ACOXL: variants seen among roughly 807,000 people sequenced by gnomAD.
ACOXL encodes the protein acyl-coenzyme A oxidase-like protein.
A neutral mutation model predicts 71.9 loss-of-function variants in ACOXL; 70 were observed. The ratio of observed to expected loss-of-function variants is 0.97; its 90% CI spans 0.80 to 1.19. ACOXL has a LOEUF of 1.19. Ranked by LOEUF, ACOXL falls within the 50% of genes most tolerant of loss-of-function variation. ACOXL has a pLI of 0.00. For missense variants in ACOXL, 703 were observed against 736.3 expected, an observed-to-expected ratio of 0.95 and a Z score of 0.52; for synonymous variants, 253 against 281.6, an observed-to-expected ratio of 0.90 and a Z score of 1.02.
chr2:111,100,934 G>C (rs1256444533), intron 17 of ACOXL: 1 of 152,668 alleles, frequency 6.6e-6, no homozygotes, highest in Non-Finnish European at 1.5e-5. Context: ...GACCACTAGG[G>C]TTGGGTTTTA....
chr2:111,024,011 G>T (rs577262536), intron 14 of ACOXL, among the ~76,000 whole-genome samples: 38 of 152,290 alleles, frequency 2.5e-4, no homozygotes, highest in African/African-American at 9.1e-4. Context: ...GTCAAGGAGG[G>T]ACTGTGATCA....
At position 110,998,180 on chromosome 2, in the gene ACOXL, A is replaced by C. The variant is rs145474795; in HGVS notation, c.1281+2176A>C. ...GTAAGATGAAAGACAAAGTAAAAAC[A>C]TACTGAATTTCTTACATTAATTACA... On this transcript the variant is annotated intron_variant, in intron 14 of 17. Transcript: ENST00000439055. 2.6e-3 allele frequency among the ~76,000 whole-genome samples: 393 copies of C among 152,338 alleles called. 9 individuals carry two copies. In the East Asian group the frequency reaches 0.049, roughly 19 times the overall value.
chr2:111,064,207 T>C (rs767388147), intron 16 of ACOXL, among the ~76,000 whole-genome samples: 6 of 152,076 alleles, frequency 3.9e-5, no homozygotes, highest in Admixed American at 6.5e-5. Flanking sequence ...GAGGCCAAGG[T>C]GGGTGGATCA....
intron 11 of ACOXL, among the ~76,000 whole-genome samples, chr2:110,932,156 A>G (rs997413792): frequency 2.0e-5 from 3 of 152,248 alleles, no homozygotes; most frequent in Non-Finnish European, 4.4e-5. Context: ...CAGCATGCTG[A>G]TTGAAAGAAG....
chr2:111,109,671 A>ATTTTTTTTTTTT lies in ACOXL; in HGVS notation c.1543-7931_1543-7920dup, dbSNP rs869081161. 2.1e-4 allele frequency among the ~76,000 whole-genome samples: 16 copies of ATTTTTTTTTTTT among 75,668 alleles called. 1 individual carries two copies. The highest frequency in any genetic ancestry group is 3.1e-4 in the Non-Finnish European group (13 of 42,256). 49.6% of individuals were successfully genotyped at this position (75,668 alleles called of 152,430 possible). On this transcript the variant is annotated intron_variant, in intron 17 of 17. Transcript: ENST00000439055. ...CTATTATATCCATTTTTCTCCTTCT[A>ATTTTTTTTTTTT]TTTTTTTTTTTTTTTTTTTTTTTTT...
chr2:110,896,261 G>T (rs1371537186), intron 10 of ACOXL, among the ~76,000 whole-genome samples: 1 of 152,022 alleles, frequency 6.6e-6, no homozygotes, highest in Non-Finnish European at 1.5e-5. Flanking sequence ...AACACTATAG[G>T]TGCATCAAAA....
At chr2:110,914,244 G>T (rs983757149) in intron 11 of ACOXL, among the ~76,000 whole-genome samples, 3 of 152,084 alleles carry the variant, frequency 2.0e-5, no homozygotes, top group African/African-American at 7.2e-5. Flanking sequence ...TTTTCCCCTC[G>T]AAATTGTCTT....
intron 1 of ACOXL, among the ~76,000 whole-genome samples, chr2:110,756,962 G>A (rs1402616930): frequency 6.6e-6 from 1 of 152,024 alleles, no homozygotes; most frequent in Non-Finnish European, 1.5e-5. Context: ...AGGTAAACGT[G>A]GGCCGTGGTG....
At chr2:110,769,258 GAAAGA>G (rs772637309) in intron 2 of ACOXL, among the ~76,000 whole-genome samples, 1 of 149,158 alleles carries the variant, frequency 6.7e-6, no homozygotes, top group East Asian at 2.0e-4. Context: ...AAGAAAGAAA[GAAAGA>G]AAAAAATACA....
intron 10 of ACOXL, among the ~76,000 whole-genome samples, chr2:110,889,738 C>T (rs1471146655): frequency 6.6e-6 from 1 of 152,170 alleles, no homozygotes; most frequent in Non-Finnish European, 1.5e-5. Context: ...TTAACCCATT[C>T]ATCAACTGAT....
intron 16 of ACOXL, among the ~76,000 whole-genome samples, chr2:111,069,672 TGGG>T (rs1204701283): frequency 6.6e-6 from 1 of 151,924 alleles, no homozygotes; most frequent in Admixed American, 6.6e-5. Flanking sequence ...GATGGGGAAT[TGGG>T]GGTGACAGTA....
chr2:111,065,487 C>T (rs965637413), intron 16 of ACOXL, among the ~76,000 whole-genome samples: 4 of 152,086 alleles, frequency 2.6e-5, no homozygotes, highest in Non-Finnish European at 5.9e-5. Context: ...ACACCCAAAG[C>T]GTGATTCATA....
At chr2:110,878,259 A>C (rs1696174389) in intron 10 of ACOXL, among the ~76,000 whole-genome samples, 1 of 152,244 alleles carries the variant, frequency 6.6e-6, no homozygotes, top group African/African-American at 2.4e-5. Context: ...GACTTTTACA[A>C]GTGAAAAATG....
intron 13 of ACOXL, among the ~76,000 whole-genome samples, chr2:110,992,672 C>G (rs1348923601): frequency 1.3e-5 from 2 of 152,152 alleles, no homozygotes; most frequent in Non-Finnish European, 2.9e-5. Context: ...GAGAGGAGCC[C>G]TGAAAGGAAG....
intron 14 of ACOXL, among the ~76,000 whole-genome samples, chr2:111,005,779 A>G (rs1359806843): frequency 6.6e-6 from 1 of 152,158 alleles, no homozygotes; most frequent in Non-Finnish European, 1.5e-5. Flanking sequence ...GATGTCCACC[A>G]ATCAGGGATC....
chr2:110,975,042 A>AT (rs1195191885), intron 12 of ACOXL, among the ~76,000 whole-genome samples: 1 of 152,124 alleles, frequency 6.6e-6, no homozygotes, highest in Non-Finnish European at 1.5e-5. Context: ...AGGCCGGCTG[A>AT]TGTGTGCTGC....
At chr2:111,092,823 A>T in intron 16 of ACOXL, 42 bp from the exon 17 acceptor site, 2 of 1,360,050 alleles carry the variant, frequency 1.5e-6, no homozygotes, top group Non-Finnish European at 2.1e-6. Context: ...TTTCTAATAT[A>T]TTGCTATTTG....
At chr2:110,738,987 C>G (rs906610315) in intron 1 of ACOXL, among the ~76,000 whole-genome samples, 3 of 152,008 alleles carry the variant, frequency 2.0e-5, no homozygotes, top group African/African-American at 7.2e-5. Context: ...TTCTTGTTTT[C>G]TAGTTATAAA....
In ACOXL at chr2:111,049,209, C is replaced by T. The variant is rs751779607; in HGVS notation, c.1370-9C>T. The stretch of plus-strand genomic sequence containing the variant: ...AAGTCATTCACAATTTCCATTTCTT[C>T]CCTTCCAGTTACCTTAGAGCAGTTC... On this transcript the variant is annotated splice_polypyrimidine_tract_variant and intron_variant, in intron 15 of 17. Coordinates refer to ENST00000439055, the MANE Select transcript of ACOXL (RefSeq NM_001142807.4). The T allele has an allele frequency of 6.2e-7, 1 of 1,604,212 alleles. No individual in the cohort carries two copies. The highest frequency in any genetic ancestry group is 1.3e-5 in the African/African-American group (1 of 74,822).
Sources: allele counts gnomAD v4.1 joint callset (sites outside exome capture counted in the v4.1 genomes callset), GRCh38; gene constraint gnomAD v4.1.1; transcripts MANE v1.5; gene names NCBI Gene and HGNC (gene_info 2026-07-23, HGNC 2026-07-21).